Variants in DGKB observed in about 807,000 individuals in gnomAD.
DGKB encodes diacylglycerol kinase beta, also known as 90 kDa diacylglycerol kinase.
DGKB carries 67 observed loss-of-function variants against 114.3 expected under a neutral mutation model. The observed-to-expected ratio is 0.59, with a 90% CI of 0.48 to 0.72. The LOEUF (loss-of-function observed/expected upper bound fraction) is 0.72, where lower values mean the gene tolerates loss of function less well. Among genes scored for constraint, DGKB ranks in the 30% least tolerant of loss-of-function variants. DGKB has a pLI of 0.00. For missense variants in DGKB, 907 were observed against 975.2 expected (o/e 0.93, Z 0.93); for synonymous variants, 398 against 323.1 (o/e 1.23, Z -2.49).
At chr7:14,348,010 C>T (rs922248783) in intron 21 of DGKB, among the ~76,000 whole-genome samples, 2 of 151,896 alleles carry the variant, frequency 1.3e-5, no homozygotes, top group African/African-American at 2.4e-5. Flanking sequence ...CCAATGTGCC[C>T]ATTACAGTTT....
At chr7:14,916,903 C>T (rs969322719) in intron 1 of DGKB, among the ~76,000 whole-genome samples, 15 of 151,908 alleles carry the variant, frequency 9.9e-5, no homozygotes, top group African/African-American at 3.6e-4. Context: ...CTAAAACACA[C>T]CTTAACAAAT....
At chr7:14,254,547 T>C (rs528145680) in intron 23 of DGKB, among the ~76,000 whole-genome samples, 9 of 152,186 alleles carry the variant, frequency 5.9e-5, no homozygotes, top group Non-Finnish European at 1.3e-4. Flanking sequence ...CTTACTCAGT[T>C]TAACCATATG....
chr7:14,512,264 T>C (rs989624832), intron 20 of DGKB, among the ~76,000 whole-genome samples: 4 of 152,182 alleles, frequency 2.6e-5, no homozygotes, highest in African/African-American at 9.6e-5. Context: ...AACACAATCA[T>C]AGAAGCTGAT....
At chr7:14,223,526 A>G (rs1790319634) in intron 23 of DGKB, among the ~76,000 whole-genome samples, 1 of 151,790 alleles carries the variant, frequency 6.6e-6, no homozygotes, top group Admixed American at 6.6e-5. Flanking sequence ...TCAAAGAATA[A>G]TATATATAAA....
chr7:14,717,187 A>G (rs963867174), intron 6 of DGKB, among the ~76,000 whole-genome samples: 4 of 152,180 alleles, frequency 2.6e-5, no homozygotes, highest in African/African-American at 7.2e-5. Context: ...TAGGAATTCC[A>G]CCTAAAAAGC....
intron 23 of DGKB, among the ~76,000 whole-genome samples, chr7:14,208,854 A>G (rs1787263008): frequency 6.6e-6 from 1 of 150,850 alleles, no homozygotes; most frequent in Non-Finnish European, 1.5e-5. Context: ...AAATAAACAA[A>G]AGAATATTCA....
intron 23 of DGKB, among the ~76,000 whole-genome samples, chr7:14,242,866 G>T (rs995650431): frequency 4.9e-4 from 72 of 146,176 alleles, no homozygotes; most frequent in Non-Finnish European, 7.9e-4. Flanking sequence ...TATGAAGGCT[G>T]TTTTTTTTTT....
intron 15 of DGKB, among the ~76,000 whole-genome samples, chr7:14,620,743 A>G (rs1807473513): frequency 6.6e-6 from 1 of 151,790 alleles, no homozygotes; most frequent in Non-Finnish European, 1.5e-5. Context: ...ACCCCATACA[A>G]TGTCTTAAAA....
chr7:14,904,744 G>A (rs530173185), upstream of DGKB, among the ~76,000 whole-genome samples: 74 of 152,146 alleles, frequency 4.9e-4, no homozygotes, highest in African/African-American at 1.7e-3. Flanking sequence ...ATGCCAAATA[G>A]CTATTTTTCT....
rs557092924 is a variant in DGKB at position 14,188,072 on chromosome 7, G to A, written c.2123-9921C>T. 2.0e-5 allele frequency among the ~76,000 whole-genome samples: 3 copies of A among 152,160 alleles called. No individual in the cohort carries two copies. In the South Asian group the frequency reaches 6.2e-4, roughly 32 times the overall value. On this transcript the variant is annotated intron_variant, in intron 23 of 25. Coordinates refer to ENST00000402815, the MANE Select transcript of DGKB (RefSeq NM_001350709.2). ...AATGAAATGAAAAAAATACATAACT[G>A]ACAGCTTCAACAACAGACAAGATGA...
chr7:14,826,447 A>G (rs1845717356), intron 2 of DGKB, among the ~76,000 whole-genome samples: 1 of 152,168 alleles, frequency 6.6e-6, no homozygotes, highest in African/African-American at 2.4e-5. Context: ...TTGAACTTAA[A>G]GCAGAATGGG....
rs569506407 is a variant in DGKB, at chr7:14,245,704, G to C, written c.2123-67553C>G. ...GCACTTTGGGAGGCCGAGGTGAGTGGATCACCTGAGGTGAGGAGTGCGAGA... is the reference window on the plus strand; with the variant it reads ...GCACTTTGGGAGGCCGAGGTGAGTGCATCACCTGAGGTGAGGAGTGCGAGA... On this transcript the variant is annotated intron_variant, in intron 23 of 25. Coordinates refer to ENST00000402815, the MANE Select transcript of DGKB (RefSeq NM_001350709.2). 3.2e-4 allele frequency among the ~76,000 whole-genome samples: 48 copies of C among 152,274 alleles called. 1 individual carries two copies. Among genetic ancestry groups the C allele is most frequent in the African/African-American group, 1.1e-3 (47 of 41,552 alleles).
At chr7:14,819,896 A>G (rs1473267156) in intron 2 of DGKB, among the ~76,000 whole-genome samples, 1 of 152,230 alleles carries the variant, frequency 6.6e-6, no homozygotes, top group East Asian at 1.9e-4. Flanking sequence ...AAGAAATGCA[A>G]TGAATTCCAG....
At chr7:14,450,815 A>G (rs1349045065) in intron 21 of DGKB, among the ~76,000 whole-genome samples, 2 of 152,034 alleles carry the variant, frequency 1.3e-5, no homozygotes, top group African/African-American at 4.8e-5. Context: ...AGGTTGGAGG[A>G]AAAAAGCACC....
chr7:14,653,988 C>T (rs965612899), intron 13 of DGKB, among the ~76,000 whole-genome samples: 7 of 152,094 alleles, frequency 4.6e-5, no homozygotes, highest in South Asian at 2.1e-4. Flanking sequence ...ACAAGTATGC[C>T]TACTTTTACC....
At chr7:14,825,745 T>A (rs1343553766) in intron 2 of DGKB, among the ~76,000 whole-genome samples, 1 of 152,054 alleles carries the variant, frequency 6.6e-6, no homozygotes, top group Non-Finnish European at 1.5e-5. Flanking sequence ...TCAACTAAGC[T>A]CTCCATAAAT....
At position 14,220,677 on chromosome 7, in the gene DGKB, T is replaced by G. The variant is rs143540268; in HGVS notation, c.2123-42526A>C. 2.0e-5 allele frequency among the ~76,000 whole-genome samples: 3 copies of G among 151,742 alleles called. No homozygotes were observed. In the East Asian group the frequency reaches 5.8e-4, roughly 29 times the overall value. ...GTAAAGAAGCCAGCTAGGATTCTGA[T>G]AGTGATTGCATTGAATCTGTAGATC... is the stretch of plus-strand genomic sequence containing the variant. On this transcript the variant is annotated intron_variant, in intron 23 of 25. Transcript: ENST00000402815.
At chr7:14,479,619 T>A (rs1782695739) in intron 20 of DGKB, among the ~76,000 whole-genome samples, 1 of 152,264 alleles carries the variant, frequency 6.6e-6, no homozygotes, top group South Asian at 2.1e-4. Context: ...ATGGTTCACT[T>A]TTATTCGTCC....
intron 2 of DGKB, among the ~76,000 whole-genome samples, chr7:14,777,734 G>A (rs1219184080): frequency 3.3e-5 from 5 of 152,092 alleles, no homozygotes. Flanking sequence ...TGTGACAATG[G>A]ACTAATACAT....
Sources: allele counts gnomAD v4.1 joint callset (sites outside exome capture counted in the v4.1 genomes callset), GRCh38; gene constraint gnomAD v4.1.1; transcripts MANE v1.5; gene names NCBI Gene and HGNC (gene_info 2026-07-23, HGNC 2026-07-21).